Variants in AGBL4 observed in about 807,000 individuals in gnomAD.
AGBL4 encodes cytosolic carboxypeptidase 6.
In AGBL4, 58 loss-of-function variants were observed where a neutral mutation model predicts 66.4. The ratio of observed to expected loss-of-function variants is 0.87; its 90% CI spans 0.71 to 1.09. The LOEUF (loss-of-function observed/expected upper bound fraction) is 1.09. Ranked by LOEUF, AGBL4 falls within the 50% of genes least tolerant of loss-of-function variation. The pLI is 0.00. For missense variants in AGBL4, 579 were observed against 631.0 expected (o/e 0.92, Z 0.88); for synonymous variants, 234 against 222.9 (o/e 1.05, Z -0.44).
At chr1:48,761,056 G>A (rs1644231712) in intron 6 of AGBL4, 2 of 311,158 alleles carry the variant, frequency 6.4e-6, no homozygotes, top group Non-Finnish European at 1.2e-5. Context: ...GTGGGCCAAG[G>A]AGAAACACAC....
chr1:49,837,738 G>A (rs1413004669), intron 2 of AGBL4, among the ~76,000 whole-genome samples: 3 of 152,150 alleles, frequency 2.0e-5, no homozygotes, highest in African/African-American at 7.2e-5. Context: ...CCAGCTACTC[G>A]GGAGGCTGAG....
intron 3 of AGBL4, among the ~76,000 whole-genome samples, chr1:49,313,079 G>C (rs1158606462): frequency 6.6e-6 from 1 of 151,636 alleles, no homozygotes; most frequent in South Asian, 2.1e-4. Flanking sequence ...CTGTATCCAT[G>C]TGTTCTCATT....
intron 9 of AGBL4, among the ~76,000 whole-genome samples, chr1:48,599,301 C>T (rs747873027): frequency 1.6e-4 from 24 of 152,130 alleles, no homozygotes; most frequent in African/African-American, 4.3e-4. Context: ...AACATAGTTA[C>T]GTATTATTAT....
chr1:49,225,045 G>T (rs976046679), intron 4 of AGBL4, among the ~76,000 whole-genome samples: 1 of 152,176 alleles, frequency 6.6e-6, no homozygotes, highest in African/African-American at 2.4e-5. Flanking sequence ...AAAGCAGTCA[G>T]ATGATGCCAA....
chr1:48,972,792 G>A lies in AGBL4; in HGVS notation c.594+72792C>T, dbSNP rs555191409. On this transcript the variant is annotated intron_variant, in intron 5 of 13. Coordinates refer to ENST00000371839, the MANE Select transcript of AGBL4 (RefSeq NM_032785.4). ...GGCAGATATTATTTTTGAAACCAAAGCATAGGGGATAAAAAATACATTCTA... is the reference window on the plus strand; with the variant it reads ...GGCAGATATTATTTTTGAAACCAAAACATAGGGGATAAAAAATACATTCTA... Among the ~76,000 whole-genome samples, 56 of 152,220 alleles carry A rather than the reference G, an allele frequency of 3.7e-4. 1 individual carries two copies. Among genetic ancestry groups the A allele is most frequent in the African/African-American group, 1.3e-3 (52 of 41,544 alleles).
At chr1:49,302,009 T>C (rs1644754140) in intron 3 of AGBL4, among the ~76,000 whole-genome samples, 1 of 152,106 alleles carries the variant, frequency 6.6e-6, no homozygotes, top group South Asian at 2.1e-4. Context: ...GGATGCAACA[T>C]CTGCTGTCTT....
chr1:50,022,737 T>C (rs1662544972), intron 1 of AGBL4, among the ~76,000 whole-genome samples: 1 of 151,910 alleles, frequency 6.6e-6, no homozygotes, highest in South Asian at 2.1e-4. Flanking sequence ...AGGTTATGTA[T>C]ACCACTGCCA....
chr1:48,542,842 A>AT (rs1644096209), intron 11 of AGBL4, among the ~76,000 whole-genome samples: 1 of 152,130 alleles, frequency 6.6e-6, no homozygotes. Context: ...CTTTAGTTTA[A>AT]TTAGATCCCA....
chr1:49,358,641 G>A (rs758467075), intron 3 of AGBL4, among the ~76,000 whole-genome samples: 7 of 152,036 alleles, frequency 4.6e-5, no homozygotes, highest in Middle Eastern at 3.2e-3. Flanking sequence ...ATTGGTTAGC[G>A]CTGAACATTT....
At chr1:49,167,506 C>T (rs1281978214) in intron 4 of AGBL4, among the ~76,000 whole-genome samples, 1 of 152,194 alleles carries the variant, frequency 6.6e-6, no homozygotes, top group Non-Finnish European at 1.5e-5. Context: ...GGACCAGGCA[C>T]CTGCCTAGGT....
intron 9 of AGBL4, among the ~76,000 whole-genome samples, chr1:48,620,062 T>A (rs1426285457): frequency 6.6e-6 from 1 of 152,142 alleles, no homozygotes; most frequent in Non-Finnish European, 1.5e-5. Flanking sequence ...CTCCGAAGGT[T>A]AAACCGTAAA....
chr1:48,698,678 G>C (rs1371451991), intron 6 of AGBL4, among the ~76,000 whole-genome samples: 1 of 152,214 alleles, frequency 6.6e-6, no homozygotes, highest in Admixed American at 6.5e-5. Context: ...CCCAAGAAGA[G>C]GGCATGAAAC....
intron 4 of AGBL4, among the ~76,000 whole-genome samples, chr1:49,228,465 A>C (rs1008607777): frequency 6.6e-6 from 1 of 152,212 alleles, no homozygotes; most frequent in Non-Finnish European, 1.5e-5. Flanking sequence ...TAAGTAGGGT[A>C]GATGCCATTG....
chr1:49,802,576 A>G (rs1450289859), intron 2 of AGBL4, among the ~76,000 whole-genome samples: 1 of 152,144 alleles, frequency 6.6e-6, no homozygotes, highest in African/African-American at 2.4e-5. Flanking sequence ...TCTGCATACA[A>G]ATGTTATGTT....
chr1:48,557,289 G>A (rs998547387), intron 11 of AGBL4, among the ~76,000 whole-genome samples: 1 of 152,134 alleles, frequency 6.6e-6, no homozygotes, highest in African/African-American at 2.4e-5. Flanking sequence ...TCCTAGGCCA[G>A]GATTATCTCA....
intron 3 of AGBL4, among the ~76,000 whole-genome samples, chr1:49,579,322 T>A (rs180921331): frequency 1.3e-5 from 2 of 152,326 alleles, no homozygotes; most frequent in East Asian, 3.9e-4. Context: ...TTTTTAAATT[T>A]CCATGTATTT....
At chr1:49,261,644 T>C (rs1570261735) in intron 3 of AGBL4, among the ~76,000 whole-genome samples, 1 of 152,204 alleles carries the variant, frequency 6.6e-6, no homozygotes, top group Non-Finnish European at 1.5e-5. Flanking sequence ...AAACCACTGC[T>C]TAATGAAATA....
At chr1:49,390,277 T>TA (rs1557895133) in intron 3 of AGBL4, among the ~76,000 whole-genome samples, 1 of 152,240 alleles carries the variant, frequency 6.6e-6, no homozygotes, top group Non-Finnish European at 1.5e-5. Flanking sequence ...TGAAAATCTT[T>TA]AAAAATCATC....
intron 5 of AGBL4, 127 bp downstream of exon 5, chr1:49,045,457 G>C: frequency 1.5e-6 from 1 of 659,324 alleles, no homozygotes. Context: ...ATTGTAGTTA[G>C]TAAATTATTA....
Sources: allele counts gnomAD v4.1 joint callset (sites outside exome capture counted in the v4.1 genomes callset), GRCh38; gene constraint gnomAD v4.1.1; transcripts MANE v1.5; gene names NCBI Gene and HGNC (gene_info 2026-07-23, HGNC 2026-07-21).